Variants in ADCY2 observed in about 807,000 individuals in gnomAD.
ADCY2 encodes adenylate cyclase type 2.
ADCY2 carries 31 observed loss-of-function variants against 125.2 expected under a neutral mutation model. The ratio of observed to expected loss-of-function variants is 0.25; its 90% CI spans 0.19 to 0.33. ADCY2 has a LOEUF of 0.33. ADCY2 is among the 10% of genes least tolerant of loss of function. ADCY2 has a pLI of 1.00. For missense variants in ADCY2, 904 were observed against 1,418.2 expected (o/e 0.64, Z 5.82); for synonymous variants, 512 against 548.4 (o/e 0.93, Z 0.93).
At chr5:7,758,247 G>T (rs1328029976) in intron 16 of ADCY2, among the ~76,000 whole-genome samples, 1 of 152,178 alleles carries the variant, frequency 6.6e-6, no homozygotes, top group East Asian at 1.9e-4. Flanking sequence ...TGGCCATTTT[G>T]TAACTATTGA....
At chr5:7,573,756 TG>T (rs1201519941) in intron 3 of ADCY2, among the ~76,000 whole-genome samples, 2 of 151,824 alleles carry the variant, frequency 1.3e-5, no homozygotes, top group Non-Finnish European at 2.9e-5. Flanking sequence ...TTTTTGTTTT[TG>T]TTTTTGTTTT....
chr5:7,570,129 A>G (rs1736024761), intron 3 of ADCY2, among the ~76,000 whole-genome samples: 1 of 152,014 alleles, frequency 6.6e-6, no homozygotes, highest in African/African-American at 2.4e-5. Context: ...TTTTCCCTGA[A>G]TGATTAAATT....
chr5:7,546,903 G>T (rs1337197030), intron 3 of ADCY2, among the ~76,000 whole-genome samples: 1 of 152,034 alleles, frequency 6.6e-6, no homozygotes, highest in Non-Finnish European at 1.5e-5. Flanking sequence ...TTACTTTATG[G>T]CCCAGGCAAG....
intron 4 of ADCY2, among the ~76,000 whole-genome samples, chr5:7,647,108 T>G (rs1451279636): frequency 6.6e-6 from 1 of 152,222 alleles, no homozygotes; most frequent in Admixed American, 6.5e-5. Context: ...GACTCTTTCC[T>G]TGTCCTTCTT....
chr5:7,599,170 C>A (rs7720674), intron 3 of ADCY2, among the ~76,000 whole-genome samples: 4,542 of 151,934 alleles, frequency 0.03, 235 homozygotes, highest in African/African-American at 0.1. Context: ...GCAGGGATAG[C>A]CCGGGGCAGA....
chr5:7,445,516 A>G (rs1223344227), intron 2 of ADCY2, among the ~76,000 whole-genome samples: 1 of 152,238 alleles, frequency 6.6e-6, no homozygotes, highest in African/African-American at 2.4e-5. Context: ...TCAGAAAAAA[A>G]TTAAAACATG....
At chr5:7,466,998 G>A (rs1742145548) in intron 2 of ADCY2, among the ~76,000 whole-genome samples, 1 of 152,132 alleles carries the variant, frequency 6.6e-6, no homozygotes, top group African/African-American at 2.4e-5. Flanking sequence ...ATCCTCGTCA[G>A]CCTGGTCAGC....
At chr5:7,742,283 C>T (rs62342476) in intron 14 of ADCY2, among the ~76,000 whole-genome samples, 4 of 152,092 alleles carry the variant, frequency 2.6e-5, no homozygotes, top group South Asian at 2.1e-4. Context: ...GCACTCCTCC[C>T]GCTGCTGCAG....
At chr5:7,575,047 A>G (rs1397117099) in intron 3 of ADCY2, among the ~76,000 whole-genome samples, 2 of 152,150 alleles carry the variant, frequency 1.3e-5, no homozygotes, top group African/African-American at 4.8e-5. Context: ...TGTCTGTGGC[A>G]GGGTGTGGAG....
At chr5:7,407,555 C>A (rs182739529) in intron 1 of ADCY2, among the ~76,000 whole-genome samples, 4 of 152,170 alleles carry the variant, frequency 2.6e-5, no homozygotes, top group Admixed American at 2.6e-4. Context: ...ACAGCCAAAC[C>A]GTATCACATG....
At chr5:7,466,363 C>G (rs1742116430) in intron 2 of ADCY2, among the ~76,000 whole-genome samples, 1 of 152,094 alleles carries the variant, frequency 6.6e-6, no homozygotes, top group South Asian at 2.1e-4. Context: ...TTTCTATGTG[C>G]CCAACCCACC....
At chr5:7,744,097 A>C (rs1032529313) in intron 15 of ADCY2, among the ~76,000 whole-genome samples, 1 of 152,166 alleles carries the variant, frequency 6.6e-6, no homozygotes, top group Non-Finnish European at 1.5e-5. Context: ...TTCAGTGTAC[A>C]GGAGGATTAA....
chr5:7,631,895 G>A (rs915035508), intron 4 of ADCY2, among the ~76,000 whole-genome samples: 1 of 152,128 alleles, frequency 6.6e-6, no homozygotes, highest in Non-Finnish European at 1.5e-5. Context: ...ATCTCTGCAT[G>A]TTCAGTTTAC....
chr5:7,625,390 A>T (rs982365938), intron 3 of ADCY2, among the ~76,000 whole-genome samples: 54 of 152,252 alleles, frequency 3.5e-4, no homozygotes, highest in African/African-American at 1.2e-3. Context: ...AAAGTATGCC[A>T]CCAATTTTGA....
intron 4 of ADCY2, chr5:7,654,060 G>C: frequency 2.2e-6 from 1 of 456,224 alleles, no homozygotes. Context: ...AGAGAAGCCA[G>C]CAGATCAGTA....
rs577802157 is a variant in ADCY2, at chr5:7,453,615, A to G, written c.408+38845A>G. 6.6e-5 allele frequency among the ~76,000 whole-genome samples: 10 copies of G among 152,302 alleles called. 1 individual carries two copies. The South Asian group carries it at 2.1e-3, about 32-fold the overall frequency. Reference sequence around the variant, plus strand: ...AAAAGCTTTAGAGTAGGAAGGAAAGACGGGAAGTATACTTGGAAGAGGGCC... The same window carrying G: ...AAAAGCTTTAGAGTAGGAAGGAAAGGCGGGAAGTATACTTGGAAGAGGGCC... On this transcript the variant is annotated intron_variant, in intron 2 of 24. Coordinates refer to ENST00000338316, the MANE Select transcript of ADCY2 (RefSeq NM_020546.3).
At chr5:7,773,436 C>T (rs1341920431) in intron 18 of ADCY2, among the ~76,000 whole-genome samples, 2 of 152,124 alleles carry the variant, frequency 1.3e-5, no homozygotes, top group Non-Finnish European at 2.9e-5. Context: ...GGGCGCCGTC[C>T]TGTGCGTGGT....
chr5:7,768,337 G>A (rs1743456319), intron 17 of ADCY2, among the ~76,000 whole-genome samples: 1 of 152,182 alleles, frequency 6.6e-6, no homozygotes, highest in Admixed American at 6.5e-5. Flanking sequence ...GCCATTTGGA[G>A]CTCTCTTTTT....
intron 21 of ADCY2, among the ~76,000 whole-genome samples, chr5:7,803,093 T>C (rs1744648827): frequency 6.6e-6 from 1 of 152,160 alleles, no homozygotes; most frequent in South Asian, 2.1e-4. Context: ...CTAAATGTCT[T>C]GTGGGCCCTG....
Sources: gnomAD v4.1 joint callset for allele counts (sites outside exome capture counted in the v4.1 genomes callset) on GRCh38, gnomAD v4.1.1 for gene constraint, MANE v1.5 for transcripts, NCBI Gene and HGNC (gene_info 2026-07-23, HGNC 2026-07-21) for gene names.